PRKD1: variants seen among roughly 807,000 people sequenced by gnomAD.
PRKD1 encodes the protein protein kinase D1.
A neutral mutation model predicts 95.9 loss-of-function variants in PRKD1; 63 were observed. That is an observed-to-expected ratio of 0.66 (90% confidence interval 0.54 to 0.81). The LOEUF is 0.81. Ranked by LOEUF, PRKD1 falls within the 30% of genes least tolerant of loss-of-function variation. The probability of loss-of-function intolerance (pLI) is 0.00; values close to 1 mark genes in which losing one functional copy is unlikely to be tolerated. For synonymous variants in PRKD1, 425 were observed against 423.1 expected, an observed-to-expected ratio of 1.00 and a Z score of -0.05; for missense variants, 1,048 against 1,165.3, an observed-to-expected ratio of 0.90 and a Z score of 1.47.
intron 1 of PRKD1, among the ~76,000 whole-genome samples, chr14:29,740,339 T>C (rs12879046): frequency 0.15 from 22,407 of 152,236 alleles, 1,978 homozygotes; most frequent in South Asian, 0.22. Context: ...ATGAAGGCTA[T>C]GACAGCAACT....
intron 1 of PRKD1, among the ~76,000 whole-genome samples, chr14:29,821,229 G>T (rs1201423937): frequency 6.6e-6 from 1 of 152,112 alleles, no homozygotes; most frequent in East Asian, 1.9e-4. Flanking sequence ...ATTCTCTAAG[G>T]TAGATTGTGT....
intron 4 of PRKD1, among the ~76,000 whole-genome samples, chr14:29,639,980 T>A (rs908917772): frequency 6.6e-6 from 1 of 152,218 alleles, no homozygotes; most frequent in Admixed American, 6.5e-5. Flanking sequence ...TATTTGAGAA[T>A]CGTCAGAATA....
chr14:29,624,898 G>A (rs1420404095), intron 12 of PRKD1, among the ~76,000 whole-genome samples: 5 of 152,088 alleles, frequency 3.3e-5, no homozygotes, highest in Non-Finnish European at 7.4e-5. Context: ...AACTTTTCAG[G>A]AATTCTACGG....
At chr14:29,772,443 GC>G (rs1251843248) in intron 1 of PRKD1, among the ~76,000 whole-genome samples, 1 of 152,096 alleles carries the variant, frequency 6.6e-6, no homozygotes, top group Non-Finnish European at 1.5e-5. Flanking sequence ...GGACTTGTGA[GC>G]AATACATTTC....
At chr14:29,664,498 T>G (rs866918523) in intron 3 of PRKD1, among the ~76,000 whole-genome samples, 1 of 152,154 alleles carries the variant, frequency 6.6e-6, no homozygotes, top group Non-Finnish European at 1.5e-5. Context: ...TGGAGGCCAT[T>G]ACTTAGAATC....
At chr14:29,845,730 G>C (rs146241067) in intron 1 of PRKD1, among the ~76,000 whole-genome samples, 6 of 152,236 alleles carry the variant, frequency 3.9e-5, no homozygotes, top group African/African-American at 1.4e-4. Flanking sequence ...CTAAGAATAC[G>C]TTAATGTTCA....
rs562803994 is a variant in PRKD1, at chr14:29,780,719, A to T, written c.265-55045T>A. ...CTGTAAACTAGTTCAACCATCGTGG[A>T]AGACAGTGTGGTGATTTCTCAAGGA... On this transcript the variant is annotated intron_variant, in intron 1 of 17. Coordinates refer to ENST00000331968, the MANE Select transcript of PRKD1 (RefSeq NM_002742.3). 2.4e-4 allele frequency among the ~76,000 whole-genome samples: 36 copies of T among 152,334 alleles called. No individual in the cohort carries two copies. In the South Asian group the frequency reaches 7.3e-3, roughly 31 times the overall value.
chr14:29,603,073 T>C (rs1484368627), intron 13 of PRKD1, among the ~76,000 whole-genome samples: 1 of 152,196 alleles, frequency 6.6e-6, no homozygotes, highest in Non-Finnish European at 1.5e-5. Flanking sequence ...ACATGTTCAA[T>C]GAAAGCATCA....
intron 4 of PRKD1, among the ~76,000 whole-genome samples, chr14:29,644,353 T>A (rs537202548): frequency 6.6e-6 from 1 of 152,288 alleles, no homozygotes; most frequent in East Asian, 1.9e-4. Context: ...AAACACTTAA[T>A]AGGCTGTTCA....
In PRKD1 at chr14:29,636,465, C is replaced by T. The variant is rs780325838; in HGVS notation, c.1015G>A (p.Val339Met). 6.2e-6 allele frequency: 10 copies of T among 1,614,156 alleles called. No individual in the cohort carries two copies. In the South Asian group the frequency reaches 7.7e-5, roughly 12 times the overall value. The change falls in exon 7 of 18, where the codon GTG (valine) becomes ATG (methionine). Residue 339 changes from valine (V) to methionine (M), a missense_variant. Coordinates refer to ENST00000331968, the MANE Select transcript of PRKD1 (RefSeq NM_002742.3). ...DLLSPGAESD[V>M]VMEEGSDDND... ...TCATCACTCCCTTCTTCCATGACCA[C>T]ATCAGACTCTGCCCCAGGGCTAAGC...
chr14:29,697,941 A>G (rs1884622409), intron 2 of PRKD1, among the ~76,000 whole-genome samples: 1 of 152,224 alleles, frequency 6.6e-6, no homozygotes, highest in African/African-American at 2.4e-5. Context: ...CTGAAGATGC[A>G]CTATGCATTT....
rs577082545 is a variant in PRKD1, at chr14:29,599,355, T to C, written c.2068-230A>G. 7.9e-5 allele frequency among the ~76,000 whole-genome samples: 12 copies of C among 152,298 alleles called. No individual in the cohort carries two copies. In the East Asian group the frequency reaches 1.9e-3, roughly 24 times the overall value. ...GACAGATGTAGATAAAAGACCTATA[T>C]CTAACAGGGACACCCATTCTTAAAT... is the stretch of plus-strand genomic sequence containing the variant. On this transcript the variant is annotated intron_variant, in intron 14 of 17. Coordinates refer to ENST00000331968, the MANE Select transcript of PRKD1 (RefSeq NM_002742.3).
At chr14:29,826,437 T>TATATATATATACATATATATGATGGA (rs1891117176) in intron 1 of PRKD1, among the ~76,000 whole-genome samples, 1 of 109,828 alleles carries the variant, frequency 9.1e-6, no homozygotes, top group African/African-American at 3.8e-5. Context: ...TATGATGGAA[T>TATATATATATACATATATATGATGGA]ATATATATAC....
intron 1 of PRKD1, among the ~76,000 whole-genome samples, chr14:29,727,812 A>C (rs901784196): frequency 3.3e-5 from 5 of 151,720 alleles, no homozygotes; most frequent in African/African-American, 1.2e-4. Flanking sequence ...CATATACACC[A>C]TGGAATACTA....
At chr14:29,803,474 C>T (rs1039164636) in intron 1 of PRKD1, among the ~76,000 whole-genome samples, 5 of 152,122 alleles carry the variant, frequency 3.3e-5, no homozygotes, top group Non-Finnish European at 5.9e-5. Context: ...TTAGCATACT[C>T]AACTTGTTAA....
intron 1 of PRKD1, among the ~76,000 whole-genome samples, chr14:29,864,915 C>T (rs1892835987): frequency 6.6e-6 from 1 of 152,158 alleles, no homozygotes; most frequent in Admixed American, 6.6e-5. Context: ...CTTTAAGCCA[C>T]ATGCTCAAAT....
intron 1 of PRKD1, among the ~76,000 whole-genome samples, chr14:29,824,686 T>C (rs1373265767): frequency 6.6e-6 from 1 of 152,174 alleles, no homozygotes; most frequent in Non-Finnish European, 1.5e-5. Context: ...GGAAATTCAC[T>C]CACTATACTG....
chr14:29,886,448 C>T (rs1169588532), intron 1 of PRKD1, among the ~76,000 whole-genome samples: 1 of 152,216 alleles, frequency 6.6e-6, no homozygotes, highest in Non-Finnish European at 1.5e-5. Context: ...AATTCCCACT[C>T]TCTCATCCTC....
intron 1 of PRKD1, among the ~76,000 whole-genome samples, chr14:29,836,510 A>G (rs118154817): frequency 0.011 from 1,625 of 152,320 alleles, 15 homozygotes; most frequent in Middle Eastern, 0.02. Flanking sequence ...TAAGCCAGAT[A>G]CTGGCAAGCT....
Sources: gnomAD v4.1 joint callset for allele counts (sites outside exome capture counted in the v4.1 genomes callset) on GRCh38, gnomAD v4.1.1 for gene constraint, MANE v1.5 for transcripts, NCBI Gene and HGNC (gene_info 2026-07-23, HGNC 2026-07-21) for gene names.